PCDHGB1: variants seen among roughly 807,000 people sequenced by gnomAD.
PCDHGB1 encodes protocadherin gamma-B1.
PCDHGB1 carries 34 observed loss-of-function variants against 56.6 expected under a neutral mutation model. The ratio of observed to expected loss-of-function variants is 0.60; its 90% CI spans 0.46 to 0.80. The LOEUF (loss-of-function observed/expected upper bound fraction) is 0.80. Ranked by LOEUF, PCDHGB1 falls within the 30% of genes least tolerant of loss-of-function variation. PCDHGB1 has a pLI of 0.00. For missense variants in PCDHGB1, 1,278 were observed against 1,204.6 expected (o/e 1.06, Z -0.90); for synonymous variants, 561 against 505.9 (o/e 1.11, Z -1.46).
At position 141,350,272 on chromosome 5, in the gene PCDHGB1, C is replaced by T; in HGVS notation, c.12C>T (p.Ala4=). The T allele has an allele frequency of 6.6e-7, 1 of 1,511,494 alleles. No homozygotes were observed. Among genetic ancestry groups the T allele is most frequent in the Non-Finnish European group, 8.8e-7 (1 of 1,131,686 alleles). The allele number at this position is 1,511,494 out of a possible 1,614,324, so 93.6% of individuals were successfully genotyped here. A position where few individuals can be genotyped will look rare whatever the true frequency, so the allele number is the denominator to read the frequency against. The change falls in exon 1 of 4, where the codon GCC becomes GCT. Residue 4 remains alanine (A), a synonymous_variant. Coordinates refer to ENST00000523390, the MANE Select transcript of PCDHGB1 (RefSeq NM_018922.3). ...GGAGAGTTCCTGAAATGCAGAGAGC[C>T]AGAGAAGCCGAAATGATGAAAAGTC... MQR[A]REAEMMKSQV... is the part of the protein sequence containing the mutation.
intron 1 of PCDHGB1, among the ~76,000 whole-genome samples, chr5:141,469,436 G>T (rs556417221): frequency 6.6e-6 from 1 of 152,002 alleles, no homozygotes; most frequent in Non-Finnish European, 1.5e-5. Flanking sequence ...TTAGCTGGGC[G>T]TGGTGGTGCA....
chr5:141,354,945 A>T, intron 1 of PCDHGB1: 1 of 425,942 alleles, frequency 2.3e-6, no homozygotes, highest in East Asian at 3.5e-5. Flanking sequence ...ACCAAGAATA[A>T]ATTGCAGTAA....
At chr5:141,509,335 G>T (rs113423267) in intron 3 of PCDHGB1, among the ~76,000 whole-genome samples, 106 of 152,262 alleles carry the variant, frequency 7.0e-4, no homozygotes, top group African/African-American at 2.4e-3. Context: ...CTGCCAGCTG[G>T]GCCTGGGCTG....
chr5:141,448,145 A>G (rs2098568457), intron 1 of PCDHGB1, among the ~76,000 whole-genome samples: 1 of 151,716 alleles, frequency 6.6e-6, no homozygotes, highest in South Asian at 2.1e-4. Flanking sequence ...TATACCTCAG[A>G]CTCACCCCTG....
chr5:141,485,797 C>T lies in PCDHGB1; in HGVS notation c.2410-9010C>T. 1 of 1,614,228 alleles carries T rather than the reference C, an allele frequency of 6.2e-7. No homozygotes were observed. Among genetic ancestry groups the T allele is most frequent in the South Asian group, 1.1e-5 (1 of 91,092 alleles). On this transcript the variant is annotated intron_variant, in intron 1 of 3. Coordinates refer to ENST00000523390, the MANE Select transcript of PCDHGB1 (RefSeq NM_018922.3). This position sits in a 1 kb window ranked among gnomAD's most constrained non-coding sequence, Gnocchi z 5.7. ...TGGATCGAGAGAAGCAATCGGACTACCGCCTGGTGCTGACTGCTGTCGATG... is the reference window on the plus strand; with the variant it reads ...TGGATCGAGAGAAGCAATCGGACTATCGCCTGGTGCTGACTGCTGTCGATG...
At position 141,476,033 on chromosome 5, in the gene PCDHGB1, C is replaced by T; in HGVS notation, c.2410-18774C>T. On this transcript the variant is annotated intron_variant, in intron 1 of 3. Transcript: ENST00000523390. The surrounding 1 kb of genome is among the most constrained non-coding windows in gnomAD (Gnocchi z 7.6). The stretch of plus-strand genomic sequence containing the variant: ...GCCATGTCGGACTCGGCGCCCAGCG[C>T]CCAAGCGCTAACCCGCTGAAAGTTT... 6.8e-7 allele frequency: 1 copy of T among 1,469,590 alleles called. No individual in the cohort carries two copies. Among genetic ancestry groups the T allele is most frequent in the Non-Finnish European group, 9.0e-7 (1 of 1,105,326 alleles). 91.0% of individuals were successfully genotyped at this position (1,469,590 alleles called of 1,614,324 possible). A position where few individuals can be genotyped will look rare whatever the true frequency, so the allele number is the denominator to read the frequency against.
Position 141,352,224 on chromosome 5 carries a change from C to T in PCDHGB1, c.1964C>T (p.Thr655Met), listed in dbSNP as rs368925514. The change falls in exon 1 of 4, where the codon ACG becomes ATG. Residue 655 changes from threonine to methionine, a missense_variant. Thr to Met is a moderately conservative substitution (Grantham distance 81). Transcript: ENST00000523390. ...GGQPPLSATA[T>M]LHLIFADSLQ... ...CAGCCGCCACTCTCCGCCACCGCCACGCTGCACCTAATCTTCGCGGATAGC... is the reference window on the plus strand; with the variant it reads ...CAGCCGCCACTCTCCGCCACCGCCATGCTGCACCTAATCTTCGCGGATAGC... The T allele has an allele frequency of 6.2e-7, 1 of 1,614,092 alleles. No individual in the cohort carries two copies.
At chr5:141,356,920 G>T in intron 1 of PCDHGB1, 1 of 1,613,924 alleles carries the variant, frequency 6.2e-7, no homozygotes, top group Non-Finnish European at 8.5e-7. Flanking sequence ...TGGCTCCACT[G>T]GTGTGGAGCT....
At chr5:141,370,902 T>A in intron 1 of PCDHGB1, 1 of 1,614,046 alleles carries the variant, frequency 6.2e-7, no homozygotes, top group South Asian at 1.1e-5. Flanking sequence ...GCTGCAGCAG[T>A]ACTACCTCAG....
At position 141,400,548 on chromosome 5, in the gene PCDHGB1, T is replaced by G. The variant is rs551157559; in HGVS notation, c.2409+47879T>G. On this transcript the variant is annotated intron_variant, in intron 1 of 3. Transcript: ENST00000523390. ...TGGTGAGTTTCATTTATGTCTATTC[T>G]TTTTCATTACCCACCCAATTTTCTG... is the stretch of plus-strand genomic sequence containing the variant. 3.3e-4 allele frequency: 529 copies of G among 1,613,654 alleles called. 1 individual carries two copies. In the South Asian group the frequency reaches 4.9e-3, roughly 15 times the overall value.
At chr5:141,377,569 C>A (rs1774120455) in intron 1 of PCDHGB1, 1 of 151,048 alleles carries the variant, frequency 6.6e-6, no homozygotes, top group African/African-American at 2.4e-5. Context: ...GCACCCTAGC[C>A]TGGGAGACAG....
chr5:141,360,605 C>T (rs2149815943), intron 1 of PCDHGB1: 1 of 1,614,000 alleles, frequency 6.2e-7, no homozygotes, highest in Admixed American at 1.7e-5. Flanking sequence ...CTTGACCCAG[C>T]CCTGGATTCA....
chr5:141,431,505 C>T lies in PCDHGB1; in HGVS notation c.2410-63302C>T. 1.2e-6 allele frequency: 2 copies of T among 1,614,018 alleles called. No individual in the cohort carries two copies. The highest frequency in any genetic ancestry group is 1.7e-6 in the Non-Finnish European group (2 of 1,180,028). On this transcript the variant is annotated intron_variant, in intron 1 of 3. Coordinates refer to ENST00000523390, the MANE Select transcript of PCDHGB1 (RefSeq NM_018922.3). This position sits in a 1 kb window ranked among gnomAD's most constrained non-coding sequence, Gnocchi z 4.8. ...GCGTTTGCTCAGCCCGAGTACCGCG[C>T]GAGCGTTCCGGAGAATCTGGCCTTG...
At chr5:141,462,523 G>GTGTT (rs2099041548) in intron 1 of PCDHGB1, among the ~76,000 whole-genome samples, 1 of 152,024 alleles carries the variant, frequency 6.6e-6, no homozygotes, top group African/African-American at 2.4e-5. Context: ...GTTAGTAAGA[G>GTGTT]TGTTGTTCAG....
intron 1 of PCDHGB1, chr5:141,377,472 TG>T (rs1191503778): frequency 6.6e-6 from 1 of 152,084 alleles, no homozygotes; most frequent in Non-Finnish European, 1.5e-5. Flanking sequence ...GGCGTACACC[TG>T]TAGTCCCAGC....
chr5:141,433,365 A>G (rs1347170890), intron 1 of PCDHGB1: 7 of 523,718 alleles, frequency 1.3e-5, no homozygotes, highest in Non-Finnish European at 2.4e-5. Context: ...CTGCCTATCT[A>G]TCTATCTATC....
chr5:141,404,707 C>A, intron 1 of PCDHGB1: 1 of 1,614,122 alleles, frequency 6.2e-7, no homozygotes, highest in South Asian at 1.1e-5. Flanking sequence ...CAGAGCCTGG[C>A]TACCTGGTGA....
chr5:141,370,949 C>T (rs1317760178), intron 1 of PCDHGB1: 2 of 1,613,980 alleles, frequency 1.2e-6, no homozygotes, highest in Non-Finnish European at 8.5e-7. Flanking sequence ...AGAAGGAGAA[C>T]CTGGATGGCA....
At chr5:141,405,632 G>A (rs1487962714) in intron 1 of PCDHGB1, 9 of 530,162 alleles carry the variant, frequency 1.7e-5, no homozygotes, top group African/African-American at 1.2e-4. Flanking sequence ...GTGCCACCAC[G>A]CCCGGCTAAT....
Sources: allele counts gnomAD v4.1 joint callset (sites outside exome capture counted in the v4.1 genomes callset), GRCh38; gene constraint gnomAD v4.1.1; non-coding constraint Gnocchi (gnomAD v3.1); transcripts MANE v1.5; gene names NCBI Gene and HGNC (gene_info 2026-07-23, HGNC 2026-07-21).